The following ZBBX variants were observed in gnomAD, a reference collection of about 807,000 sequenced individuals.
ZBBX encodes zinc finger B-box domain containing, also known as zinc finger B-box domain-containing protein 1.
ZBBX carries 101 observed loss-of-function variants against 108.5 expected under a neutral mutation model. That is an observed-to-expected ratio of 0.93 (90% CI 0.79 to 1.10). ZBBX has a LOEUF of 1.10. ZBBX is among the 50% of genes least tolerant of loss of function. ZBBX has a pLI of 0.00. For synonymous variants in ZBBX, 356 were observed against 323.4 expected (o/e 1.10, Z -1.08); for missense variants, 1,009 against 941.4 (o/e 1.07, Z -0.94).
chr3:167,197,941 C>T, the ZBBX span, among the ~76,000 whole-genome samples: 1 of 152,050 alleles, frequency 6.6e-6, no homozygotes, highest in Non-Finnish European at 1.5e-5. Context: ...AGATAAGAAG[C>T]CTTGGTCTGA....
chr3:167,226,082 TA>T, the ZBBX span, among the ~76,000 whole-genome samples: 2,221 of 132,580 alleles, frequency 0.017, 48 homozygotes, highest in African/African-American at 0.051. Flanking sequence ...TGACTGTGAT[TA>T]AAAAAAAAAA....
chr3:167,334,691 T>C (rs953677520), intron 9 of ZBBX, among the ~76,000 whole-genome samples: 3 of 152,108 alleles, frequency 2.0e-5, no homozygotes, highest in Admixed American at 2.0e-4. Flanking sequence ...TGTATAAGTC[T>C]AATGACTCAT....
At chr3:167,340,582 C>A (rs1374739272) in intron 9 of ZBBX, among the ~76,000 whole-genome samples, 2 of 151,770 alleles carry the variant, frequency 1.3e-5, no homozygotes, top group Non-Finnish European at 2.9e-5. Context: ...TAGTCTTAGA[C>A]CAAATTTATT....
At chr3:167,385,016 T>C (rs1339018690), upstream of ZBBX, among the ~76,000 whole-genome samples, 1 of 152,026 alleles carries the variant, frequency 6.6e-6, no homozygotes, top group Admixed American at 6.6e-5. Context: ...AGAAAGTCAG[T>C]TTCAAAAAAC....
At chr3:167,316,089 C>A (rs532888953) in intron 14 of ZBBX, among the ~76,000 whole-genome samples, 1 of 152,034 alleles carries the variant, frequency 6.6e-6, no homozygotes, top group Non-Finnish European at 1.5e-5. Flanking sequence ...TAGCTACTAC[C>A]TGCCAAGTAG....
intron 16 of ZBBX, among the ~76,000 whole-genome samples, chr3:167,312,741 T>A (rs1002669151): frequency 6.6e-5 from 10 of 152,204 alleles, no homozygotes; most frequent in African/African-American, 2.2e-4. Context: ...ATTGGAATAC[T>A]GTCCCTAAAT....
At chr3:167,212,408 C>T in the ZBBX span, among the ~76,000 whole-genome samples, 1 of 152,164 alleles carries the variant, frequency 6.6e-6, no homozygotes, top group African/African-American at 2.4e-5. Flanking sequence ...AGCCTCTCTG[C>T]CACTGCCTCT....
the ZBBX span, among the ~76,000 whole-genome samples, chr3:167,218,478 G>GAATT: frequency 2.6e-4 from 39 of 152,086 alleles, 1 homozygote; most frequent in South Asian, 7.9e-3. Context: ...AAATGCCAGG[G>GAATT]AATTGCCTTA....
intron 1 of ZBBX, among the ~76,000 whole-genome samples, chr3:167,386,655 C>T (rs1747931581): frequency 6.6e-6 from 1 of 151,866 alleles, no homozygotes; most frequent in African/African-American, 2.4e-5. Flanking sequence ...TGCCAGCAAA[C>T]AATTATTTAT....
intron 20 of ZBBX, among the ~76,000 whole-genome samples, chr3:167,277,871 T>G (rs1395539925): frequency 1.3e-5 from 2 of 151,960 alleles, no homozygotes; most frequent in African/African-American, 4.8e-5. Flanking sequence ...TCAGCAAATG[T>G]AAAAGAACAG....
At chr3:167,204,198 C>CTTTTTTTT in the ZBBX span, among the ~76,000 whole-genome samples, 12 of 118,086 alleles carry the variant, frequency 1.0e-4, no homozygotes, top group South Asian at 2.7e-4. Flanking sequence ...TTCTTTTTTT[C>CTTTTTTTT]TTTTTTTTTT....
chr3:167,326,082 A>G (rs1307757510), intron 11 of ZBBX, among the ~76,000 whole-genome samples: 1 of 152,190 alleles, frequency 6.6e-6, no homozygotes, highest in Non-Finnish European at 1.5e-5. Flanking sequence ...ATGTAAGTGC[A>G]CAAATAGCTA....
the ZBBX span, among the ~76,000 whole-genome samples, chr3:167,178,500 G>A: frequency 6.6e-6 from 1 of 152,134 alleles, no homozygotes; most frequent in Non-Finnish European, 1.5e-5. Flanking sequence ...GACGGGTGTT[G>A]CTCGTGACAG....
At chr3:167,402,170 G>A (rs1012558272) in intron 1 of ZBBX, among the ~76,000 whole-genome samples, 2 of 152,146 alleles carry the variant, frequency 1.3e-5, no homozygotes, top group African/African-American at 2.4e-5. Context: ...CTTATCCCAA[G>A]TTTGCTGAAA....
At chr3:167,242,446 G>A in intron 21 of ZBBX, 59 bp downstream of exon 21, 1 of 1,400,230 alleles carries the variant, frequency 7.1e-7, no homozygotes, top group Non-Finnish European at 9.6e-7. Flanking sequence ...TAACTAGTTG[G>A]AGCTTGTCAA....
chr3:167,324,229 T>C (rs1736974564), intron 11 of ZBBX, among the ~76,000 whole-genome samples: 2 of 152,058 alleles, frequency 1.3e-5, no homozygotes, highest in African/African-American at 4.8e-5. Context: ...ACTGTAACTT[T>C]GAAATTCTGA....
intron 9 of ZBBX, among the ~76,000 whole-genome samples, chr3:167,338,032 C>T (rs1739871971): frequency 6.6e-6 from 1 of 152,038 alleles, no homozygotes. Context: ...GCTCTACATG[C>T]TAAAAATGTT....
rs374105907 is a variant in ZBBX at position 167,243,977 on chromosome 3, C to T, written c.2255-1334G>A. Among the ~76,000 whole-genome samples the T allele has an allele frequency of 9.9e-5, 15 of 152,120 alleles. No individual in the cohort carries two copies. In the East Asian group the frequency reaches 2.9e-3, roughly 29 times the overall value. ...TTGGTTCCTGCTCCCACCATATCCT[C>T]AGCAATCAGGACTTTACCTGATCTA... is the stretch of plus-strand genomic sequence containing the variant. On this transcript the variant is annotated intron_variant, in intron 20 of 21. Coordinates refer to ENST00000675490, the MANE Select transcript of ZBBX (RefSeq NM_001199201.2).
intron 4 of ZBBX, among the ~76,000 whole-genome samples, chr3:167,369,164 T>C (rs1745789213): frequency 6.6e-6 from 1 of 152,170 alleles, no homozygotes; most frequent in Non-Finnish European, 1.5e-5. Flanking sequence ...CTCACTAAGT[T>C]TTTGACAAAA....
Sources: gnomAD v4.1 joint callset for allele counts (sites outside exome capture counted in the v4.1 genomes callset) on GRCh38, gnomAD v4.1.1 for gene constraint, MANE v1.5 for transcripts, NCBI Gene and HGNC (gene_info 2026-07-23, HGNC 2026-07-21) for gene names.